Variants in CMBL observed in about 807,000 individuals in gnomAD.
CMBL encodes the protein carboxymethylenebutenolidase homolog, also known as carboxymethylenebutenolidase homolog (Pseudomonas).
Under a neutral mutation model 28.7 loss-of-function variants are expected in CMBL, and 17 were observed. The observed-to-expected ratio is 0.59, with a 90% CI of 0.41 to 0.89. CMBL has a LOEUF of 0.89. CMBL is among the 40% of genes least tolerant of loss of function. The pLI is 0.00. For synonymous variants in CMBL, 106 were observed against 101.6 expected (o/e 1.04, Z -0.26); for missense variants, 310 against 298.5 (o/e 1.04, Z -0.28).
chr5:10,301,618 T>TTTTTTGGAGACAGAG (rs1746900519), intron 1 of CMBL, among the ~76,000 whole-genome samples: 1 of 149,618 alleles, frequency 6.7e-6, no homozygotes, highest in African/African-American at 2.5e-5. Context: ...TTTTTTTTTT[T>TTTTTTGGAGACAGAG]TGGAGACGGA....
intron 1 of CMBL, among the ~76,000 whole-genome samples, chr5:10,292,556 G>A (rs924599277): frequency 3.3e-5 from 5 of 152,092 alleles, no homozygotes; most frequent in African/African-American, 1.2e-4. Flanking sequence ...CAGGCATGGT[G>A]GCTCACGCCT....
chr5:10,306,095 A>G (rs1364048385), intron 1 of CMBL, among the ~76,000 whole-genome samples: 1 of 152,232 alleles, frequency 6.6e-6, no homozygotes, highest in Non-Finnish European at 1.5e-5. Context: ...TTATCTTTTA[A>G]CAATGTAATC....
intron 1 of CMBL, among the ~76,000 whole-genome samples, chr5:10,302,202 T>G (rs1746913578): frequency 6.6e-6 from 1 of 152,164 alleles, no homozygotes; most frequent in Non-Finnish European, 1.5e-5. Context: ...TGTACTATAT[T>G]TTCTGTATAT....
chr5:10,292,640 T>C (rs112302807), intron 1 of CMBL, among the ~76,000 whole-genome samples: 13,402 of 151,996 alleles, frequency 0.088, 645 homozygotes, highest in African/African-American at 0.12. Flanking sequence ...CTGGCCAATA[T>C]GGTGAAACCC....
chr5:10,307,148 C>G (rs184229728), intron 1 of CMBL: 1 of 152,310 alleles, frequency 6.6e-6, no homozygotes, highest in Admixed American at 6.5e-5. Context: ...AATACCCACC[C>G]TAAAGAAAAG....
At chr5:10,291,210 C>T (rs1378435669) in intron 1 of CMBL, among the ~76,000 whole-genome samples, 2 of 152,026 alleles carry the variant, frequency 1.3e-5, no homozygotes, top group Non-Finnish European at 2.9e-5. Flanking sequence ...GCACATGAGA[C>T]GGGAATTTGT....
chr5:10,282,312 G>A (rs1225570676), intron 4 of CMBL, 24 bp from the exon 5 acceptor site: 2 of 1,371,906 alleles, frequency 1.5e-6, no homozygotes, highest in Non-Finnish European at 2.1e-6. Context: ...ACAGAGGCAT[G>A]ATGTCTGATC....
At chr5:10,286,219 A>G in intron 4 of CMBL, 135 bp downstream of exon 4, 2 of 878,010 alleles carry the variant, frequency 2.3e-6, no homozygotes, top group Non-Finnish European at 3.4e-6. Context: ...TCAGATTCTT[A>G]AAACCCATTT....
In CMBL at chr5:10,280,636, GT is replaced by G. The variant is rs1561060077; in HGVS notation, c.559-5del. On this transcript the variant is annotated splice_region_variant and splice_polypyrimidine_tract_variant and intron_variant, in intron 5 of 5. Coordinates refer to ENST00000296658, the MANE Select transcript of CMBL (RefSeq NM_138809.4). ...ACTTCTGAGTCAGCAAAGATACCTG[GT>G]GTGCAAAAGATTTCATGATTTTAAC... 6.3e-7 allele frequency: 1 copy of G among 1,591,900 alleles called. No homozygotes were observed. The highest frequency in any genetic ancestry group is 1.1e-5 in the South Asian group (1 of 90,014).
intron 1 of CMBL, among the ~76,000 whole-genome samples, chr5:10,295,932 G>C (rs11746305): frequency 0.4 from 61,366 of 152,058 alleles, 15,893 homozygotes; most frequent in Non-Finnish European, 0.58. Flanking sequence ...AAAGGGCCCC[G>C]CACTTAGTGC....
intron 1 of CMBL, among the ~76,000 whole-genome samples, chr5:10,302,723 A>G (rs1486610060): frequency 6.6e-6 from 1 of 152,182 alleles, no homozygotes. Flanking sequence ...GACGAAACAG[A>G]CTTTTTGTAG....
chr5:10,294,409 C>T (rs1024107066), intron 1 of CMBL, among the ~76,000 whole-genome samples: 1 of 151,954 alleles, frequency 6.6e-6, no homozygotes, highest in Admixed American at 6.6e-5. Context: ...AAAAAAAATT[C>T]AAAACTTAAC....
chr5:10,284,098 T>C (rs965750187), intron 4 of CMBL, among the ~76,000 whole-genome samples: 3 of 152,336 alleles, frequency 2.0e-5, no homozygotes, highest in East Asian at 1.9e-4. Context: ...AGCTACTTCA[T>C]GTGGATGGGC....
At position 10,290,710 on chromosome 5, in the gene CMBL, T is replaced by G. The variant is rs1399275104; in HGVS notation, c.53A>C (p.Tyr18Ser). The G allele has an allele frequency of 3.1e-6, 5 of 1,614,194 alleles. No homozygotes were observed. In the African/African-American group the frequency reaches 6.7e-5, roughly 22 times the overall value. The change falls in exon 2 of 6, where the codon TAT (tyrosine) becomes TCT (serine). Residue 18 changes from tyrosine (Y) to serine (S), a missense_variant. By Grantham distance (144) the Tyr-to-Ser change is moderately radical. Transcript: ENST00000296658. Reference protein sequence around the residue: ...CPCDIGHRLEYGGLGREVQVE... With the variant: ...CPCDIGHRLESGGLGREVQVE... ...TTGAACTTCACGGCCTAGCCCTCCA[T>G]ACTCAAGTCTGTGGCCAATGTCACA...
At chr5:10,305,174 C>G (rs902815442) in intron 1 of CMBL, among the ~76,000 whole-genome samples, 2 of 152,146 alleles carry the variant, frequency 1.3e-5, no homozygotes, top group African/African-American at 4.8e-5. Context: ...CTCTGGAAAT[C>G]AGGACGCTTT....
chr5:10,288,525 T>A lies in CMBL; in HGVS notation c.220A>T (p.Ile74Phe), dbSNP rs765229251. The change falls in exon 3 of 6, where the codon ATT becomes TTT. Residue 74 changes from isoleucine (I) to phenylalanine (F), a missense_variant. Transcript: ENST00000296658. Reference protein sequence around the residue: ...DMISGNGYTTIVPDFFVGQEP... With the variant: ...DMISGNGYTTFVPDFFVGQEP... ...TGCCCTACAAAGAAGTCTGGAACAA[T>A]GGTTCTGCAAAATATGGACATGAAT... 8 of 1,607,376 alleles carry A rather than the reference T, an allele frequency of 5.0e-6. No homozygotes were observed. The highest frequency in any genetic ancestry group is 8.5e-7 in the Non-Finnish European group (1 of 1,174,052).
chr5:10,285,521 C>A (rs1057271013), intron 4 of CMBL, among the ~76,000 whole-genome samples: 1 of 152,094 alleles, frequency 6.6e-6, no homozygotes, highest in Non-Finnish European at 1.5e-5. Flanking sequence ...TGGTCTCGAA[C>A]TCCTGGGCTC....
At chr5:10,298,213 G>A (rs1746841243) in intron 1 of CMBL, among the ~76,000 whole-genome samples, 1 of 152,044 alleles carries the variant, frequency 6.6e-6, no homozygotes, top group Non-Finnish European at 1.5e-5. Flanking sequence ...AATCACCATG[G>A]ATCCCCACAT....
At chr5:10,299,192 C>T (rs1169481054) in intron 1 of CMBL, among the ~76,000 whole-genome samples, 1 of 151,844 alleles carries the variant, frequency 6.6e-6, no homozygotes, top group Non-Finnish European at 1.5e-5. Flanking sequence ...GACTTAGTGT[C>T]TAGATAAAAT....
Sources: allele counts gnomAD v4.1 joint callset (sites outside exome capture counted in the v4.1 genomes callset), GRCh38; gene constraint gnomAD v4.1.1; transcripts MANE v1.5; gene names NCBI Gene and HGNC (gene_info 2026-07-23, HGNC 2026-07-21).